The following ASIC2 variants were observed in gnomAD, a reference collection of about 807,000 sequenced individuals.
ASIC2 encodes the protein acid-sensing ion channel 2.
Under a neutral mutation model 57.3 loss-of-function variants are expected in ASIC2, and 25 were observed. That is an observed-to-expected ratio of 0.44 (90% confidence interval 0.32 to 0.61). ASIC2 has a LOEUF of 0.61. Among genes scored for constraint, ASIC2 ranks in the 20% least tolerant of loss-of-function variants. The pLI is 0.06. For missense variants in ASIC2, 641 were observed against 738.1 expected, an observed-to-expected ratio of 0.87 and a Z score of 1.52; for synonymous variants, 319 against 307.5, an observed-to-expected ratio of 1.04 and a Z score of -0.39.
chr17:33,515,099 A>G (rs1914527146), intron 1 of ASIC2, among the ~76,000 whole-genome samples: 1 of 152,236 alleles, frequency 6.6e-6, no homozygotes, highest in South Asian at 2.1e-4. Context: ...GAATGGATCC[A>G]TCATGAATTA....
At position 33,013,593 on chromosome 17, in the gene ASIC2, G is replaced by A. The variant is rs1300301103; in HGVS notation, c.*372C>T. 1.7e-5 allele frequency: 4 copies of A among 232,132 alleles called. No individual in the cohort carries two copies. The highest frequency in any genetic ancestry group is 1.7e-4 in the South Asian group (2 of 11,676). The allele number at this position is 232,132 out of a possible 1,614,324, so 14.4% of individuals were successfully genotyped here. A position where few individuals can be genotyped will look rare whatever the true frequency, so the allele number is the denominator to read the frequency against. On this transcript the variant is annotated 3_prime_UTR_variant, in exon 10 of 10. Transcript: ENST00000225823. ...GACCTGGAATCTGGTCCCACTGCAC[G>A]GGCAGCAGTGTGGACACTGGAAACC...
intron 1 of ASIC2, among the ~76,000 whole-genome samples, chr17:33,450,546 T>C (rs756966782): frequency 6.6e-5 from 10 of 152,184 alleles, no homozygotes; most frequent in Non-Finnish European, 1.2e-4. Context: ...CACAGAAAGA[T>C]GAAAAAATTC....
chr17:33,278,530 T>C lies in ASIC2; in HGVS notation c.708+12878A>G, dbSNP rs369714317. Reference sequence around the variant, plus strand: ...TGATGGGCTTCTCCCCTATAAATTCTGATTCAATAGTTCTGGTTTGGAGTG... The same window carrying C: ...TGATGGGCTTCTCCCCTATAAATTCCGATTCAATAGTTCTGGTTTGGAGTG... On this transcript the variant is annotated intron_variant, in intron 1 of 9. Transcript: ENST00000225823. Among the ~76,000 whole-genome samples, 21 of 152,086 alleles carry C rather than the reference T, an allele frequency of 1.4e-4. No homozygotes were observed. The East Asian group carries it at 3.7e-3, about 27-fold the overall frequency.
At chr17:33,645,078 A>G (rs1384318527) in intron 1 of ASIC2, among the ~76,000 whole-genome samples, 1 of 152,234 alleles carries the variant, frequency 6.6e-6, no homozygotes, top group Admixed American at 6.5e-5. Context: ...TGCAAAGAGC[A>G]TTCACCTCAT....
intron 7 of ASIC2, 38 bp downstream of exon 7, chr17:33,021,181 A>AAT: frequency 4.9e-6 from 5 of 1,010,574 alleles, no homozygotes; most frequent in Non-Finnish European, 7.6e-6. Context: ...CCCACCCTCT[A>AAT]TGAGATGTGG....
At chr17:34,046,349 C>T (rs1039543785) in intron 1 of ASIC2, among the ~76,000 whole-genome samples, 7 of 152,198 alleles carry the variant, frequency 4.6e-5, no homozygotes, top group African/African-American at 9.6e-5. Context: ...CTTACAAAGG[C>T]TGGTGACTAT....
At chr17:33,274,066 T>C (rs951444233) in intron 1 of ASIC2, among the ~76,000 whole-genome samples, 2 of 152,198 alleles carry the variant, frequency 1.3e-5, no homozygotes. Flanking sequence ...GAAGTGACAT[T>C]GATAGGATCT....
intron 1 of ASIC2, among the ~76,000 whole-genome samples, chr17:33,882,398 T>A (rs1433174511): frequency 4.0e-5 from 6 of 151,750 alleles, no homozygotes; most frequent in Non-Finnish European, 8.8e-5. Flanking sequence ...TACAAAGAAC[T>A]CAAACAAATT....
intron 3 of ASIC2, among the ~76,000 whole-genome samples, chr17:33,040,117 A>G (rs1460379412): frequency 6.6e-6 from 1 of 152,264 alleles, no homozygotes; most frequent in Non-Finnish European, 1.5e-5. Flanking sequence ...ACAGATGGTG[A>G]ATAAACGGCA....
chr17:33,864,859 T>C (rs1249243214), intron 1 of ASIC2, among the ~76,000 whole-genome samples: 7 of 152,216 alleles, frequency 4.6e-5, no homozygotes, highest in Admixed American at 4.6e-4. Flanking sequence ...TCTGTCTCTG[T>C]AAATAAATCC....
chr17:33,460,949 C>G lies in ASIC2; in HGVS notation c.556-348882G>C, dbSNP rs184976398. Among the ~76,000 whole-genome samples, 393 of 152,364 alleles carry G rather than the reference C, an allele frequency of 2.6e-3. 1 individual carries two copies. The highest frequency in any genetic ancestry group is 9.0e-3 in the African/African-American group (374 of 41,580). On this transcript the variant is annotated intron_variant, in intron 1 of 9. Transcript: ENST00000359872. ...CTTCCCACTGGGAACTATCAACCAT[C>G]CAGCCAATTTCATTGCCCAGAGCTT...
At chr17:33,900,120 G>A (rs1915198628) in intron 1 of ASIC2, among the ~76,000 whole-genome samples, 1 of 152,134 alleles carries the variant, frequency 6.6e-6, no homozygotes, top group Non-Finnish European at 1.5e-5. Flanking sequence ...TAGACACTAA[G>A]CAAAATTAGT....
At chr17:33,132,585 G>A (rs2092351393) in intron 1 of ASIC2, among the ~76,000 whole-genome samples, 1 of 152,304 alleles carries the variant, frequency 6.6e-6, no homozygotes, top group Admixed American at 6.5e-5. Context: ...ATGCATGCAC[G>A]TACATACAGA....
intron 1 of ASIC2, among the ~76,000 whole-genome samples, chr17:34,047,710 G>A (rs1346544289): frequency 6.6e-6 from 1 of 152,060 alleles, no homozygotes; most frequent in Non-Finnish European, 1.5e-5. Context: ...AAGTGACAAT[G>A]TGCCAGTTCT....
At chr17:33,955,929 T>C (rs760828973) in intron 1 of ASIC2, among the ~76,000 whole-genome samples, 1 of 152,220 alleles carries the variant, frequency 6.6e-6, no homozygotes, top group Non-Finnish European at 1.5e-5. Context: ...TTTTGTATTA[T>C]GTTCTCTCCA....
intron 1 of ASIC2, among the ~76,000 whole-genome samples, chr17:33,164,662 G>C (rs568115259): frequency 3.3e-5 from 5 of 152,058 alleles, no homozygotes; most frequent in Non-Finnish European, 5.9e-5. Flanking sequence ...CTTGCTCAAG[G>C]CTTGCTTGCC....
chr17:33,781,061 A>G (rs1346929152), intron 1 of ASIC2, among the ~76,000 whole-genome samples: 1 of 152,302 alleles, frequency 6.6e-6, no homozygotes, highest in East Asian at 1.9e-4. Flanking sequence ...TCCTGAAAGG[A>G]AACTCAAGGC....
At chr17:34,031,183 G>A (rs181216682) in intron 1 of ASIC2, among the ~76,000 whole-genome samples, 13 of 152,170 alleles carry the variant, frequency 8.5e-5, no homozygotes, top group South Asian at 8.3e-4. Context: ...GAACGATCAG[G>A]CAGCAGCATT....
intron 2 of ASIC2, among the ~76,000 whole-genome samples, chr17:33,095,597 G>A (rs2092175604): frequency 6.6e-6 from 1 of 151,804 alleles, no homozygotes; most frequent in African/African-American, 2.4e-5. Flanking sequence ...GGATCTCACA[G>A]GGAGTTTGTG....
Sources: gnomAD v4.1 joint callset for allele counts (sites outside exome capture counted in the v4.1 genomes callset) on GRCh38, gnomAD v4.1.1 for gene constraint, MANE v1.5 for transcripts, NCBI Gene and HGNC (gene_info 2026-07-23, HGNC 2026-07-21) for gene names.